Variants in WARS1 observed in about 807,000 individuals in gnomAD.
WARS1 encodes the protein tryptophan--tRNA ligase, cytoplasmic.
In WARS1, 17 loss-of-function variants were observed where a neutral mutation model predicts 47.8. The observed-to-expected ratio is 0.36, with a 90% CI of 0.24 to 0.53. The LOEUF (loss-of-function observed/expected upper bound fraction) is 0.53. Among genes scored for constraint, WARS1 ranks in the 20% least tolerant of loss-of-function variants. The pLI, the probability that WARS1 is intolerant of heterozygous loss-of-function variation, is 0.91. For synonymous variants in WARS1, 208 were observed against 228.1 expected (o/e 0.91, Z 0.79); for missense variants, 434 against 608.0 (o/e 0.71, Z 3.01).
chr14:100,349,481 C>T (rs1044631144), intron 6 of WARS1, among the ~76,000 whole-genome samples: 33 of 152,134 alleles, frequency 2.2e-4, no homozygotes, highest in African/African-American at 7.2e-4. Flanking sequence ...CTCCCATGCC[C>T]GGGCCACACA....
At chr14:100,357,378 C>T (rs56245982) in intron 4 of WARS1, among the ~76,000 whole-genome samples, 10 of 151,744 alleles carry the variant, frequency 6.6e-5, no homozygotes, top group Admixed American at 5.2e-4. Context: ...GAAATCCTAT[C>T]GAATCTGCAA....
chr14:100,342,419 C>T lies in WARS1; in HGVS notation c.1092G>A (p.Thr364=), dbSNP rs545737539. 818 of 1,613,998 alleles carry T rather than the reference C, an allele frequency of 5.1e-4. 21 individuals are homozygous for T. The South Asian group carries it at 8.3e-3, about 16-fold the overall frequency. ...DPNSSIFLTD[T]AKQIKTKVNK... is the part of the protein sequence containing the mutation. ...TCACCTTGGTTTTGATCTGCTTGGCCGTGTCGGTGAGGAAGATGGAGGAGT... is the reference window on the plus strand; with the variant it reads ...TCACCTTGGTTTTGATCTGCTTGGCTGTGTCGGTGAGGAAGATGGAGGAGT... Residue 364 remains threonine, a synonymous_variant, in exon 9 of 11, where the codon ACG becomes ACA. Transcript: ENST00000392882.
At chr14:100,369,334 G>A in intron 1 of WARS1, 76 bp from the exon 2 acceptor site, 1 of 412,496 alleles carries the variant, frequency 2.4e-6, no homozygotes. Context: ...TTCCTTTCCT[G>A]TATTGAGTCC....
intron 6 of WARS1, among the ~76,000 whole-genome samples, chr14:100,349,328 T>C (rs1595428962): frequency 6.6e-6 from 1 of 152,140 alleles, no homozygotes; most frequent in African/African-American, 2.4e-5. Context: ...TTCTCCCCAT[T>C]AGAAGAGAGG....
intron 3 of WARS1, among the ~76,000 whole-genome samples, chr14:100,361,474 G>C (rs1401968885): frequency 6.6e-6 from 1 of 152,144 alleles, no homozygotes; most frequent in Non-Finnish European, 1.5e-5. Flanking sequence ...CTTCTATTAA[G>C]CTGTCTACTA....
intron 7 of WARS1, among the ~76,000 whole-genome samples, 177 bp from the exon 8 acceptor site, chr14:100,343,564 C>A (rs7142222): frequency 7.9e-5 from 12 of 151,940 alleles, no homozygotes; most frequent in African/African-American, 2.9e-4. Context: ...TGATTTCATC[C>A]ATTTTCTTTA....
At chr14:100,363,172 C>T (rs1210383446) in intron 2 of WARS1, among the ~76,000 whole-genome samples, 1 of 152,100 alleles carries the variant, frequency 6.6e-6, no homozygotes, top group African/African-American at 2.4e-5. Context: ...AAGTACACTG[C>T]AGTCAATATC....
chr14:100,339,129 A>ACACACG (rs1893961221), intron 9 of WARS1, among the ~76,000 whole-genome samples: 1 of 80,622 alleles, frequency 1.2e-5, no homozygotes, highest in African/African-American at 3.6e-5. Flanking sequence ...ACACATACAC[A>ACACACG]CACACACACA....
At chr14:100,354,338 G>T (rs909530430) in intron 5 of WARS1, 109 bp downstream of exon 5, 4 of 1,478,718 alleles carry the variant, frequency 2.7e-6, no homozygotes, top group Non-Finnish European at 3.6e-6. Flanking sequence ...TGACATCTTG[G>T]TTGCTCAGCA....
intron 1 of WARS1, among the ~76,000 whole-genome samples, chr14:100,370,800 C>T (rs1896301775): frequency 6.7e-6 from 1 of 148,942 alleles, no homozygotes; most frequent in Non-Finnish European, 1.5e-5. Context: ...AAAAAATTAG[C>T]TGGGCATGGT....
rs60977618 is a variant in WARS1 at position 100,371,447 on chromosome 14, C to CAAAAAAA, written c.-73-2196_-73-2190dup. ...CCTGGGTGACAGAAAGGTTCTGTCTCAAAAAAAAAAAAAAAAAAAAGTAGG... is the reference window on the plus strand; with the variant it reads ...CCTGGGTGACAGAAAGGTTCTGTCTCAAAAAAAAAAAAAAAAAAAAAAAAAAAGTAGG... On this transcript the variant is annotated intron_variant, in intron 1 of 10. Transcript: ENST00000392882. 6.7e-4 allele frequency among the ~76,000 whole-genome samples: 60 copies of CAAAAAAA among 89,102 alleles called. 5 individuals are homozygous for CAAAAAAA. The highest frequency in any genetic ancestry group is 6.7e-3 in the East Asian group (26 of 3,902). The allele number at this position is 89,102 out of a possible 152,430, so 58.5% of individuals were successfully genotyped here.
intron 2 of WARS1, among the ~76,000 whole-genome samples, chr14:100,362,600 A>G (rs1474599935): frequency 3.3e-5 from 5 of 152,032 alleles, no homozygotes; most frequent in Non-Finnish European, 7.4e-5. Flanking sequence ...ACTCTTTTGC[A>G]GGAGTCCATA....
At position 100,365,124 on chromosome 14, in the gene WARS1, TACACAC is replaced by T. The variant is rs59205319; in HGVS notation, c.100-3209_100-3204del. On this transcript the variant is annotated intron_variant, in intron 2 of 10. Transcript: ENST00000392882. Reference sequence around the variant, plus strand: ...AAGAGCGAGACCCTGTCTCAAAAAATACACACACACACACACACACACACACACACA... The same window carrying T: ...AAGAGCGAGACCCTGTCTCAAAAAATACACACACACACACACACACACACA... Among the ~76,000 whole-genome samples, 791 of 137,836 alleles carry T rather than the reference TACACAC, an allele frequency of 5.7e-3. 4 individuals carry two copies. Among genetic ancestry groups the T allele is most frequent in the Non-Finnish European group, 8.7e-3 (561 of 64,586 alleles). The allele number at this position is 137,836 out of a possible 152,430, so 90.4% of individuals were successfully genotyped here. A position where few individuals can be genotyped will look rare whatever the true frequency, so the allele number is the denominator to read the frequency against.
intron 6 of WARS1, among the ~76,000 whole-genome samples, chr14:100,347,143 A>C (rs1894674962): frequency 6.6e-6 from 1 of 152,234 alleles, no homozygotes; most frequent in African/African-American, 2.4e-5. Flanking sequence ...AGATTCAGAG[A>C]CTTGCAGCTA....
chr14:100,369,020 A>T, intron 2 of WARS1, 67 bp downstream of exon 2: 1 of 1,212,960 alleles, frequency 8.2e-7, no homozygotes, highest in Non-Finnish European at 1.1e-6. Flanking sequence ...TCTATTCTAG[A>T]GGAACACAAC....
At position 100,361,862 on chromosome 14, in the gene WARS1, G is replaced by A. The variant is rs1895682491; in HGVS notation, c.159C>T (p.Ala53=). 4.3e-6 allele frequency: 7 copies of A among 1,613,944 alleles called. No individual in the cohort carries two copies. The highest frequency in any genetic ancestry group is 1.1e-5 in the South Asian group (1 of 91,074). The change falls in exon 3 of 11, where the codon GCC becomes GCT. Residue 53 remains alanine (A), a synonymous_variant. Coordinates refer to ENST00000392882, the MANE Select transcript of WARS1 (RefSeq NM_004184.4). ...LVSLKMSYKA[A]AGEDYKADCP... is the part of the protein sequence containing the mutation. ...AGTCAGCCTTGTAATCCTCCCCCGC[G>A]GCAGCTTTGTAGCTCATTTTTAATG... is the stretch of plus-strand genomic sequence containing the variant.
chr14:100,348,580 C>T (rs992833046), intron 6 of WARS1, among the ~76,000 whole-genome samples: 5 of 152,188 alleles, frequency 3.3e-5, no homozygotes, highest in Non-Finnish European at 7.3e-5. Context: ...AAAGATGCGG[C>T]CTTTGTCCTC....
intron 5 of WARS1, 30 bp downstream of exon 5, chr14:100,354,417 G>A: frequency 6.2e-7 from 1 of 1,605,368 alleles, no homozygotes; most frequent in East Asian, 2.2e-5. Context: ...CACTAAGAGA[G>A]TAAGAAAAGC....
chr14:100,339,224 C>T (rs566441864), intron 9 of WARS1, among the ~76,000 whole-genome samples: 7 of 152,148 alleles, frequency 4.6e-5, no homozygotes, highest in Non-Finnish European at 1.0e-4. Flanking sequence ...GCAAAGGCGC[C>T]TGTCTCCATT....
Sources: gnomAD v4.1 joint callset for allele counts (sites outside exome capture counted in the v4.1 genomes callset) on GRCh38, gnomAD v4.1.1 for gene constraint, MANE v1.5 for transcripts, NCBI Gene and HGNC (gene_info 2026-07-23, HGNC 2026-07-21) for gene names.